Variants in TINAGL1 observed in about 807,000 individuals in gnomAD.
The protein encoded by TINAGL1 is tubulointerstitial nephritis antigen-like.
A neutral mutation model predicts 62.0 loss-of-function variants in TINAGL1; 34 were observed. The ratio of observed to expected loss-of-function variants is 0.55; its 90% CI spans 0.42 to 0.73. The LOEUF is 0.73. TINAGL1 is among the 30% of genes least tolerant of loss of function. The pLI is 0.00. For missense variants in TINAGL1, 516 were observed against 653.2 expected, an observed-to-expected ratio of 0.79 and a Z score of 2.29; for synonymous variants, 221 against 249.7, an observed-to-expected ratio of 0.88 and a Z score of 1.08.
chr1:31,582,675 G>A (rs538649255), intron 3 of TINAGL1, among the ~76,000 whole-genome samples: 4 of 152,246 alleles, frequency 2.6e-5, no homozygotes, highest in African/African-American at 7.2e-5. Flanking sequence ...GGACTTGGGC[G>A]GGCTGCAGGA....
At position 31,585,218 on chromosome 1, in the gene TINAGL1, T is replaced by G; in HGVS notation, c.925T>G (p.Cys309Gly). ...AGACGAGGCTGGCCCTGCGCCCCCC[T>G]GTATGATGCACAGCCGAGCCATGGG... Reference protein sequence around the residue: ...ERDEAGPAPPCMMHSRAMGRG... With the variant: ...ERDEAGPAPPGMMHSRAMGRG... Residue 309 changes from cysteine to glycine, a missense_variant, in exon 8 of 12, where the codon TGT becomes GGT. Transcript: ENST00000271064. The surrounding 1 kb of genome is among the most constrained non-coding windows in gnomAD (Gnocchi z 4.3). 5.0e-6 allele frequency: 8 copies of G among 1,612,990 alleles called. No individual in the cohort carries two copies. The highest frequency in any genetic ancestry group is 6.8e-6 in the Non-Finnish European group (8 of 1,179,482).
At chr1:31,580,628 C>T in intron 3 of TINAGL1, 1 of 1,289,394 alleles carries the variant, frequency 7.8e-7, no homozygotes, top group Non-Finnish European at 1.0e-6. Flanking sequence ...AAAGCCCAGC[C>T]ATACTGGGTC....
At chr1:31,581,457 G>A (rs1639243471) in intron 3 of TINAGL1, among the ~76,000 whole-genome samples, 2 of 152,140 alleles carry the variant, frequency 1.3e-5, no homozygotes, top group Admixed American at 1.3e-4. Flanking sequence ...GGACATGTGG[G>A]CGGACACCAC....
chr1:31,583,399 C>T lies in TINAGL1; in HGVS notation c.468-62C>T. Reference sequence around the variant, plus strand: ...TGTGCGTCTCTCCCACCCACATGCACCCACGCCAAGGACCCTGAGCCTCGG... The same window carrying T: ...TGTGCGTCTCTCCCACCCACATGCATCCACGCCAAGGACCCTGAGCCTCGG... On this transcript the variant is annotated intron_variant, in intron 4 of 11. Transcript: ENST00000271064. The surrounding 1 kb of genome is among the most constrained non-coding windows in gnomAD (Gnocchi z 4.4). The T allele has an allele frequency of 1.3e-6, 2 of 1,538,140 alleles. No homozygotes were observed. Among genetic ancestry groups the T allele is most frequent in the South Asian group, 1.1e-5 (1 of 87,120 alleles).
At chr1:31,586,205 C>T (rs576246714) in intron 10 of TINAGL1, 4 of 307,702 alleles carry the variant, frequency 1.3e-5, no homozygotes, top group African/African-American at 6.5e-5. Context: ...CCTGGGAGGT[C>T]GCTCCCCTGG....
intron 3 of TINAGL1, chr1:31,580,235 C>CTCTCTGTCTCTCTT (rs1639203201): frequency 9.8e-7 from 1 of 1,023,918 alleles, no homozygotes. Flanking sequence ...CTGTCTCTCT[C>CTCTCTGTCTCTCTT]TGTCTCTCTC....
intron 3 of TINAGL1, among the ~76,000 whole-genome samples, chr1:31,581,497 T>G (rs1256148913): frequency 1.3e-5 from 2 of 152,126 alleles, no homozygotes; most frequent in East Asian, 3.8e-4. Flanking sequence ...TGTGAACAAC[T>G]GGGTGCCATT....
chr1:31,580,439 C>G, intron 3 of TINAGL1: 1 of 1,289,306 alleles, frequency 7.8e-7, no homozygotes, highest in Non-Finnish European at 1.0e-6. Context: ...GGGGGAGTGT[C>G]CAGGGTGTCA....
At position 31,587,136 on chromosome 1, in the gene TINAGL1, C is replaced by A. The variant is rs1344328950; in HGVS notation, c.*157C>A. 8.5e-7 allele frequency: 1 copy of A among 1,171,520 alleles called. No individual in the cohort carries two copies. The highest frequency in any genetic ancestry group is 1.6e-5 in the African/African-American group (1 of 61,938). The allele number at this position is 1,171,520 out of a possible 1,614,324, so 72.6% of individuals were successfully genotyped here. ...CGGCGCGGGTTCCGCTGACGCAGCG[C>A]CCCGCCTGGGAGCCGCGGGCAGGCG... is the stretch of plus-strand genomic sequence containing the variant. On this transcript the variant is annotated 3_prime_UTR_variant, in exon 12 of 12. Transcript: ENST00000271064.
Position 31,585,946 on chromosome 1 carries a change from G to T in TINAGL1, c.1217+70G>T, listed in dbSNP as rs1639380383. 4.7e-6 allele frequency: 7 copies of T among 1,482,020 alleles called. No homozygotes were observed. The highest frequency in any genetic ancestry group is 6.3e-6 in the Non-Finnish European group (7 of 1,112,850). 91.8% of individuals were successfully genotyped at this position (1,482,020 alleles called of 1,614,324 possible). A position where few individuals can be genotyped will look rare whatever the true frequency, so the allele number is the denominator to read the frequency against. Reference sequence around the variant, plus strand: ...TGCTAGGGGCTCTGGAGCCTGCCTTGGGTTCTTACAACCTCTCTAAAAAGC... The same window carrying T: ...TGCTAGGGGCTCTGGAGCCTGCCTTTGGTTCTTACAACCTCTCTAAAAAGC... On this transcript the variant is annotated intron_variant, in intron 10 of 11. Transcript: ENST00000271064. This position sits in a 1 kb window ranked among gnomAD's most constrained non-coding sequence, Gnocchi z 4.3.
Position 31,586,843 on chromosome 1 carries a change from C to A in TINAGL1, c.1268C>A (p.Ala423Glu). The A allele has an allele frequency of 6.5e-7, 1 of 1,543,972 alleles. No individual in the cohort carries two copies. The highest frequency in any genetic ancestry group is 1.2e-5 in the South Asian group (1 of 82,266). ...PDGRTLKYWTAANSWGPAWGE... is the reference protein window; with the variant it reads ...PDGRTLKYWTEANSWGPAWGE... ...ACCACCCCTCCTTATTCCCAGACTG[C>A]GGCCAACTCCTGGGGCCCAGCCTGG... The change falls in exon 12 of 12, where the codon GCG (alanine) becomes GAG (glutamate). Residue 423 changes from alanine to glutamate, a missense_variant. Coordinates refer to ENST00000271064, the MANE Select transcript of TINAGL1 (RefSeq NM_022164.3).
At chr1:31,580,288 G>A in intron 3 of TINAGL1, 2 of 1,229,252 alleles carry the variant, frequency 1.6e-6, no homozygotes, top group Non-Finnish European at 2.1e-6. Flanking sequence ...GGCCCCTTAG[G>A]CCCCCTCTGG....
At chr1:31,579,956 C>T (rs778331380) in intron 3 of TINAGL1, 7 of 182,524 alleles carry the variant, frequency 3.8e-5, no homozygotes, top group Middle Eastern at 2.6e-3. Context: ...GAATGCATTG[C>T]GCATAAGATA....
At chr1:31,586,300 G>A in intron 10 of TINAGL1, 1 of 345,324 alleles carries the variant, frequency 2.9e-6, no homozygotes, top group Non-Finnish European at 5.3e-6. Context: ...TTTACGGTGG[G>A]AATTGGCGGT....
At position 31,583,276 on chromosome 1, in the gene TINAGL1, C is replaced by T; in HGVS notation, c.467+35C>T. 1 of 1,583,974 alleles carries T rather than the reference C, an allele frequency of 6.3e-7. No individual in the cohort carries two copies. Among genetic ancestry groups the T allele is most frequent in the African/African-American group, 1.3e-5 (1 of 74,486 alleles). ...CCTAGAGGCACCCTCAGTGGGCACA[C>T]ATGCATACTCATGCATGTATACACG... On this transcript the variant is annotated intron_variant, in intron 4 of 11. Coordinates refer to ENST00000271064, the MANE Select transcript of TINAGL1 (RefSeq NM_022164.3). This position sits in a 1 kb window ranked among gnomAD's most constrained non-coding sequence, Gnocchi z 4.4.
In TINAGL1 at chr1:31,584,828, T is replaced by C; in HGVS notation, c.706+27T>C. On this transcript the variant is annotated intron_variant, in intron 6 of 11. Transcript: ENST00000271064. The surrounding 1 kb of genome is among the most constrained non-coding windows in gnomAD (Gnocchi z 4.0). ...TAAGCCAAGGGCAAGGGCTGGCGCC[T>C]GGGAGAGGAGGGCCAAGTCCTGAGC... 6.2e-7 allele frequency: 1 copy of C among 1,614,146 alleles called. No homozygotes were observed. The highest frequency in any genetic ancestry group is 8.5e-7 in the Non-Finnish European group (1 of 1,179,960).
chr1:31,577,737 A>G lies in TINAGL1; in HGVS notation c.310+279A>G. ...AGGTGCTGGCCGCACCTGCTGACTC[A>G]CTCTTGGGCTGATAAGGCACATATG... On this transcript the variant is annotated intron_variant, in intron 2 of 11. Transcript: ENST00000271064. The surrounding 1 kb of genome is among the most constrained non-coding windows in gnomAD (Gnocchi z 5.4). 2 of 440,650 alleles carry G rather than the reference A, an allele frequency of 4.5e-6. No individual in the cohort carries two copies. Among genetic ancestry groups the G allele is most frequent in the Non-Finnish European group, 8.0e-6 (2 of 249,532 alleles). 27.3% of individuals were successfully genotyped at this position (440,650 alleles called of 1,614,324 possible).
chr1:31,579,345 C>G, intron 3 of TINAGL1, 78 bp downstream of exon 3: 1 of 1,337,492 alleles, frequency 7.5e-7, no homozygotes, highest in Non-Finnish European at 1.1e-6. Context: ...TATCCCTGAC[C>G]CCTTTTGCAA....
Position 31,577,598 on chromosome 1 carries a change from A to C in TINAGL1, c.310+140A>C. ...TGGGACTCTTCCCTGCCCCTCTGGG[A>C]ACTTTACTCTCCAGCAAGACTGAAG... On this transcript the variant is annotated intron_variant, in intron 2 of 11. Transcript: ENST00000271064. This position sits in a 1 kb window ranked among gnomAD's most constrained non-coding sequence, Gnocchi z 5.4. 1 of 966,608 alleles carries C rather than the reference A, an allele frequency of 1.0e-6. No homozygotes were observed. Among genetic ancestry groups the C allele is most frequent in the Non-Finnish European group, 1.5e-6 (1 of 666,312 alleles). The allele number at this position is 966,608 out of a possible 1,614,324, so 59.9% of individuals were successfully genotyped here. A position where few individuals can be genotyped will look rare whatever the true frequency, so the allele number is the denominator to read the frequency against.
Sources: gnomAD v4.1 joint callset for allele counts (sites outside exome capture counted in the v4.1 genomes callset) on GRCh38, gnomAD v4.1.1 for gene constraint, Gnocchi (gnomAD v3.1) non-coding constraint, MANE v1.5 for transcripts, NCBI Gene and HGNC (gene_info 2026-07-23, HGNC 2026-07-21) for gene names.